The following ARHGEF17 variants were observed in gnomAD, a reference collection of about 807,000 sequenced individuals.
The protein encoded by ARHGEF17 is Rho guanine nucleotide exchange factor 17.
Under a neutral mutation model 174.0 loss-of-function variants are expected in ARHGEF17, and 80 were observed. The observed-to-expected ratio is 0.46, with a 90% CI of 0.38 to 0.55. The LOEUF (loss-of-function observed/expected upper bound fraction) is 0.55, where lower values mean the gene tolerates loss of function less well. ARHGEF17 is among the 20% of genes least tolerant of loss of function. ARHGEF17 has a pLI of 0.00. For missense variants in ARHGEF17, 2,886 were observed against 2,839.7 expected (o/e 1.02, Z -0.37); for synonymous variants, 1,311 against 1,189.1 (o/e 1.10, Z -2.11).
Position 73,363,227 on chromosome 11 carries a change from A to G in ARHGEF17, c.5018A>G (p.Lys1673Arg). ...SFGNEETPSS[K>R]EATAETTSSE... ...TCAGATGAGGAGACCCCGAGTTCCA[A>G]GGAGGCCACGGCAGAGACCACCAGC... Residue 1673 changes from lysine (K) to arginine (R), a missense_variant, in exon 15 of 21, where the codon AAG (lysine) becomes AGG (arginine). Lys to Arg is a conservative substitution (Grantham distance 26). Transcript: ENST00000263674. 1 of 1,580,300 alleles carries G rather than the reference A, an allele frequency of 6.3e-7. No homozygotes were observed. The highest frequency in any genetic ancestry group is 1.4e-5 in the African/African-American group (1 of 74,016).
chr11:73,321,201 G>A (rs1192910398), intron 1 of ARHGEF17, among the ~76,000 whole-genome samples: 2 of 152,236 alleles, frequency 1.3e-5, no homozygotes, highest in African/African-American at 4.8e-5. Context: ...CTCTGGAGGT[G>A]GGGAGGAGGG....
In ARHGEF17 at chr11:73,346,932, A is replaced by AT; in HGVS notation, c.3243dup (p.Val1082CysfsTer25). The AT allele has an allele frequency of 6.4e-7, 1 of 1,569,942 alleles. No individual in the cohort carries two copies. The highest frequency in any genetic ancestry group is 8.7e-7 in the Non-Finnish European group (1 of 1,150,620). ...ACCCTGCTGGACACAGAGCAGTCGT[A>AT]TGTGGAGTCGCTGCGCACCCTGATG... On this transcript the variant is annotated frameshift_variant, in exon 2 of 21. Coordinates refer to ENST00000263674, the MANE Select transcript of ARHGEF17 (RefSeq NM_014786.4). LOFTEE classifies it high-confidence loss of function.
At chr11:73,335,610 C>A (rs1425373903) in intron 1 of ARHGEF17, among the ~76,000 whole-genome samples, 2 of 152,114 alleles carry the variant, frequency 1.3e-5, no homozygotes, top group African/African-American at 4.8e-5. Context: ...TGCACCACAG[C>A]CCCTGCCATG....
Position 73,367,786 on chromosome 11 carries a change from T to G in ARHGEF17, c.*6T>G, listed in dbSNP as rs999161668. The G allele has an allele frequency of 1.1e-5, 18 of 1,603,960 alleles. No homozygotes were observed. Among genetic ancestry groups the G allele is most frequent in the Admixed American group, 1.7e-5 (1 of 59,740 alleles). ...TCCTCCTGTGGAGGGTGTGACCCTGTCTGCCGTGGCCCAGGACTCGCCCGC... is the reference window on the plus strand; with the variant it reads ...TCCTCCTGTGGAGGGTGTGACCCTGGCTGCCGTGGCCCAGGACTCGCCCGC... On this transcript the variant is annotated 3_prime_UTR_variant, in exon 21 of 21. Transcript: ENST00000263674.
intron 3 of ARHGEF17, among the ~76,000 whole-genome samples, chr11:73,354,549 A>G (rs965795530): frequency 1.3e-5 from 2 of 152,142 alleles, no homozygotes; most frequent in African/African-American, 4.8e-5. Flanking sequence ...CCTCGTCTCT[A>G]CTAAAAATAC....
chr11:73,319,555 C>A (rs1332910234), intron 1 of ARHGEF17, among the ~76,000 whole-genome samples: 1 of 152,220 alleles, frequency 6.6e-6, no homozygotes, highest in East Asian at 1.9e-4. Context: ...TTCTACTGCA[C>A]AGATAGGCAA....
In ARHGEF17 at chr11:73,310,509, G is replaced by A. The variant is rs2135784275; in HGVS notation, c.1871G>A (p.Gly624Glu). Residue 624 changes from glycine (G) to glutamate (E), a missense_variant, in exon 1 of 21, where the codon GGG (glycine) becomes GAG (glutamate). By Grantham distance (98) the Gly-to-Glu change is moderately conservative. This residue lies in a region of ARHGEF17 where 1,728 missense variants were observed against 1,461.2 expected (regional missense o/e 1.18). Transcript: ENST00000263674. ...CCCCCTGGAAGCCCTGACTGGGCAG[G>A]GGATGTGACCCGAGGGCAGCGGTCC... ...DAPPGSPDWA[G>E]DVTRGQRSQE... 3.7e-6 allele frequency: 6 copies of A among 1,614,038 alleles called. No individual in the cohort carries two copies. The highest frequency in any genetic ancestry group is 5.1e-6 in the Non-Finnish European group (6 of 1,180,050).
intron 2 of ARHGEF17, among the ~76,000 whole-genome samples, chr11:73,349,699 G>A (rs1332354800): frequency 3.9e-5 from 6 of 152,228 alleles, no homozygotes; most frequent in Admixed American, 3.3e-4. Context: ...GCAGTGGAGA[G>A]CTGGGAGCAG....
Position 73,326,517 on chromosome 11 carries a change from C to A in ARHGEF17, c.3192+14687C>A, listed in dbSNP as rs183618772. ...GGCGGATCACCTGAGGTCAGGAGTT[C>A]AAGACCAGCCTGGTCAACATGGTAA... is the stretch of plus-strand genomic sequence containing the variant. On this transcript the variant is annotated intron_variant, in intron 1 of 20. Coordinates refer to ENST00000263674, the MANE Select transcript of ARHGEF17 (RefSeq NM_014786.4). Among the ~76,000 whole-genome samples, 18 of 152,256 alleles carry A rather than the reference C, an allele frequency of 1.2e-4. No individual in the cohort carries two copies. The East Asian group carries it at 3.5e-3, about 29-fold the overall frequency.
chr11:73,352,728 C>G lies in ARHGEF17; in HGVS notation c.3271-102C>G, dbSNP rs927609576. 25 of 1,326,324 alleles carry G rather than the reference C, an allele frequency of 1.9e-5. No homozygotes were observed. The South Asian group carries it at 2.9e-4, about 16-fold the overall frequency. 82.2% of individuals were successfully genotyped at this position (1,326,324 alleles called of 1,614,324 possible). On this transcript the variant is annotated intron_variant, in intron 2 of 20. Coordinates refer to ENST00000263674, the MANE Select transcript of ARHGEF17 (RefSeq NM_014786.4). The stretch of plus-strand genomic sequence containing the variant: ...ATGTGGAAGGCAGGGCGCTGAGCTG[C>G]AGGCCCGGGTGATTCTGTGTGCACT...
At chr11:73,360,192 A>G in intron 10 of ARHGEF17, 128 bp from the exon 11 acceptor site, 2 of 1,093,686 alleles carry the variant, frequency 1.8e-6, no homozygotes, top group Non-Finnish European at 2.6e-6. Context: ...TATCAAAGGA[A>G]TCCAGGTCTG....
chr11:73,353,903 CT>C (rs1289816668), intron 3 of ARHGEF17, among the ~76,000 whole-genome samples: 3 of 152,206 alleles, frequency 2.0e-5, no homozygotes, highest in Non-Finnish European at 4.4e-5. Flanking sequence ...ATTTGAAAAA[CT>C]TCCAGTTCCA....
At chr11:73,320,575 T>C (rs1409088290) in intron 1 of ARHGEF17, among the ~76,000 whole-genome samples, 3 of 146,474 alleles carry the variant, frequency 2.0e-5, no homozygotes, top group African/African-American at 7.7e-5. Context: ...TGAGCCGAGA[T>C]TGCACTACTG....
chr11:73,365,370 T>C lies in ARHGEF17; in HGVS notation c.5551-20T>C, dbSNP rs1332503526. The stretch of plus-strand genomic sequence containing the variant: ...GAGGCAGGCCTGCCAATGACCCATC[T>C]TCTCCCCCGCCTTCCCCAGCACATG... On this transcript the variant is annotated intron_variant, in intron 18 of 20. Coordinates refer to ENST00000263674, the MANE Select transcript of ARHGEF17 (RefSeq NM_014786.4). The surrounding 1 kb of genome is among the most constrained non-coding windows in gnomAD (Gnocchi z 4.9). The C allele has an allele frequency of 6.2e-7, 1 of 1,613,160 alleles. No homozygotes were observed. The highest frequency in any genetic ancestry group is 2.2e-5 in the East Asian group (1 of 44,892).
Position 73,346,837 on chromosome 11 carries a change from TG to T in ARHGEF17, c.3193-40del, listed in dbSNP as rs1445626411. 7 of 1,401,232 alleles carry T rather than the reference TG, an allele frequency of 5.0e-6. No homozygotes were observed. In the African/African-American group the frequency reaches 5.9e-5, roughly 12 times the overall value. The allele number at this position is 1,401,232 out of a possible 1,614,324, so 86.8% of individuals were successfully genotyped here. ...CCATGTGGCTACAGGTGATGGGGTC[TG>T]GGGGGAAAAAGACCCCTGTTCACCC... is the stretch of plus-strand genomic sequence containing the variant. On this transcript the variant is annotated intron_variant, in intron 1 of 20. Coordinates refer to ENST00000263674, the MANE Select transcript of ARHGEF17 (RefSeq NM_014786.4).
chr11:73,315,700 T>C (rs1864917957), intron 1 of ARHGEF17, among the ~76,000 whole-genome samples: 1 of 152,104 alleles, frequency 6.6e-6, no homozygotes, highest in South Asian at 2.1e-4. Context: ...TTCCTCTGTT[T>C]ATTCCTCACA....
chr11:73,355,608 G>A lies in ARHGEF17; in HGVS notation c.3529G>A (p.Val1177Met). Residue 1177 changes from valine (V) to methionine (M), a missense_variant, in exon 4 of 21, where the codon GTG becomes ATG. Physicochemically the swap from Val to Met is conservative, Grantham distance 21 (BLOSUM62 1). Transcript: ENST00000263674. ...NFLNAKDAVR[V>M]AKEARPAFLK... The stretch of plus-strand genomic sequence containing the variant: ...CCTCAATGCAAAGGATGCTGTGCGT[G>A]TGGCCAAGGAGGCGAGGCCTGCCTT... 6.2e-7 allele frequency: 1 copy of A among 1,614,198 alleles called. No homozygotes were observed. The highest frequency in any genetic ancestry group is 8.5e-7 in the Non-Finnish European group (1 of 1,180,020).
chr11:73,341,636 A>G (rs1051204472), intron 1 of ARHGEF17, among the ~76,000 whole-genome samples: 2 of 152,242 alleles, frequency 1.3e-5, no homozygotes, highest in African/African-American at 4.8e-5. Flanking sequence ...AGGAAAAGAA[A>G]AAGCATTACT....
chr11:73,364,282 C>G lies in ARHGEF17; in HGVS notation c.5401+43C>G, dbSNP rs1865800449. The G allele has an allele frequency of 4.4e-6, 7 of 1,608,146 alleles. No individual in the cohort carries two copies. The East Asian group carries it at 1.6e-4, about 36-fold the overall frequency. On this transcript the variant is annotated intron_variant, in intron 17 of 20. Transcript: ENST00000263674. Reference sequence around the variant, plus strand: ...CCCACACCCTGCCCCTGTCCCCTTACTGGTGTTGGGGCTCTCTCCTGGAGA... The same window carrying G: ...CCCACACCCTGCCCCTGTCCCCTTAGTGGTGTTGGGGCTCTCTCCTGGAGA...
Sources: allele counts gnomAD v4.1 joint callset (sites outside exome capture counted in the v4.1 genomes callset), GRCh38; gene constraint gnomAD v4.1.1; regional missense constraint gnomAD v4.1.1; non-coding constraint Gnocchi (gnomAD v3.1); transcripts MANE v1.5; gene names NCBI Gene and HGNC (gene_info 2026-07-23, HGNC 2026-07-21).